RTL1: variants seen among roughly 807,000 people sequenced by gnomAD.
The protein encoded by RTL1 is retrotransposon Gag like 1.
For missense variants in RTL1, 1,681 were observed against 1,767.5 expected (o/e 0.95, Z 0.88); for synonymous variants, 727 against 748.4 (o/e 0.97, Z 0.47).
chr14:100,885,274 C>T (rs2140039059), intron 3 of RTL1, among the ~76,000 whole-genome samples: 1 of 152,340 alleles, frequency 6.6e-6, no homozygotes, highest in East Asian at 1.9e-4. Flanking sequence ...ACCTGAGAAT[C>T]ACAGAGGTCA....
Position 100,881,824 on chromosome 14 carries a change from C to G in RTL1, c.2965G>C (p.Gly989Arg). The G allele has an allele frequency of 6.2e-7, 1 of 1,613,900 alleles. No individual in the cohort carries two copies. ...CTCACAGGTGGCAGAGCTCGGCCGC[C>G]GTCTTGTTCTGGCAGCTCCATGACG... ...FDVMELPEQD[G>R]GRALPPVRNL... The change falls in exon 4 of 4, where the codon GGC (glycine) becomes CGC (arginine). Residue 989 changes from glycine (G) to arginine (R), a missense_variant. Gly to Arg is a moderately radical substitution (Grantham distance 125). Transcript: ENST00000649591. This position sits in a 1 kb window ranked among gnomAD's most constrained non-coding sequence, Gnocchi z 6.6.
chr14:100,885,011 C>A (rs190507383), intron 3 of RTL1, among the ~76,000 whole-genome samples, 137 bp from the exon 4 acceptor site: 3 of 152,218 alleles, frequency 2.0e-5, no homozygotes, highest in Admixed American at 6.5e-5. Context: ...CTTCTTGTAT[C>A]GAGCCAGCCT....
Position 100,880,792 on chromosome 14 carries a change from G to C in RTL1, c.3997C>G (p.Pro1333Ala). The C allele has an allele frequency of 6.4e-7, 1 of 1,550,608 alleles. No homozygotes were observed. Among genetic ancestry groups the C allele is most frequent in the Non-Finnish European group, 8.7e-7 (1 of 1,146,950 alleles). Residue 1333 changes from proline to alanine, a missense_variant, in exon 4 of 4, where the codon CCC (proline) becomes GCC (alanine). Pro to Ala is a conservative substitution (Grantham distance 27, BLOSUM62 -1). Transcript: ENST00000649591. ...TLIYRRALPI[P>A]AWESQPREQA... ...TCCCTGGGCTGGCTCTCCCAGGCGG[G>C]GATGGGCAGGGCCCGCCTGTAGATC...
At chr14:100,892,042 T>C (rs1399548831) in intron 3 of RTL1, among the ~76,000 whole-genome samples, 2 of 152,218 alleles carry the variant, frequency 1.3e-5, no homozygotes, top group Non-Finnish European at 1.5e-5. Context: ...TCGTATTATT[T>C]CATTTAAACA....
At chr14:100,896,070 CAAA>C (rs10638500) in intron 2 of RTL1, among the ~76,000 whole-genome samples, 1 of 120,168 alleles carries the variant, frequency 8.3e-6, no homozygotes. Context: ...GACTCCGTCT[CAAA>C]AAAAAAAAAA....
Position 100,894,396 on chromosome 14 carries a change from T to A in RTL1, c.-148-891A>T, listed in dbSNP as rs562673740. Among the ~76,000 whole-genome samples, 49 of 151,626 alleles carry A rather than the reference T, an allele frequency of 3.2e-4. No homozygotes were observed. In the South Asian group the frequency reaches 9.8e-3, roughly 30 times the overall value. On this transcript the variant is annotated intron_variant, in intron 2 of 3. Coordinates refer to ENST00000649591, the MANE Select transcript of RTL1 (RefSeq NM_001134888.3). ...CGGCCTCTGTTGGACTTTGAGTAAA[T>A]CTTAATTTAGCACCCTGAGCTGCAA...
Position 100,882,519 on chromosome 14 carries a change from C to T in RTL1, c.2270G>A (p.Arg757His), listed in dbSNP as rs867004001. The T allele has an allele frequency of 1.7e-5, 26 of 1,551,648 alleles. No homozygotes were observed. In the African/African-American group the frequency reaches 2.6e-4, roughly 16 times the overall value. ...CAGGGAGCAGTAGACGTTGTGATGG[C>T]GGAAGCGGACCAGGACTTGGCGGAC... ...HHVRQVLVRF[R>H]HHNVYCSLDK... The change falls in exon 4 of 4, where the codon CGC (arginine) becomes CAC (histidine). Residue 757 changes from arginine to histidine, a missense_variant. By Grantham distance (29) the Arg-to-His change is conservative. Coordinates refer to ENST00000649591, the MANE Select transcript of RTL1 (RefSeq NM_001134888.3).
intron 3 of RTL1, among the ~76,000 whole-genome samples, chr14:100,885,987 G>A (rs140363521): frequency 1.5e-3 from 227 of 152,208 alleles, no homozygotes; most frequent in Non-Finnish European, 2.6e-3. Flanking sequence ...GGAATCTGAC[G>A]GTCCCAGAGT....
chr14:100,882,384 G>C lies in RTL1; in HGVS notation c.2405C>G (p.Thr802Ser). The C allele has an allele frequency of 6.4e-7, 1 of 1,551,830 alleles. No homozygotes were observed. Among genetic ancestry groups the C allele is most frequent in the Non-Finnish European group, 8.7e-7 (1 of 1,147,014 alleles). ...NVMTIITGYPTPGSKLSLRNF... is the reference protein window; with the variant it reads ...NVMTIITGYPSPGSKLSLRNF... Reference sequence around the variant, plus strand: ...TCGCAGAGATAGCTTGGAGCCAGGGGTAGGGTACCCTGTTATGATGGTCAT... The same window carrying C: ...TCGCAGAGATAGCTTGGAGCCAGGGCTAGGGTACCCTGTTATGATGGTCAT... Residue 802 changes from threonine to serine, a missense_variant, in exon 4 of 4, where the codon ACC becomes AGC. Coordinates refer to ENST00000649591, the MANE Select transcript of RTL1 (RefSeq NM_001134888.3).
intron 3 of RTL1, among the ~76,000 whole-genome samples, chr14:100,892,778 C>T (rs985553987): frequency 2.0e-5 from 3 of 152,022 alleles, no homozygotes; most frequent in South Asian, 2.1e-4. Context: ...CAGAAAGGGA[C>T]GACTAGAATG....
At chr14:100,897,771 T>TGGG (rs1566760912) in intron 2 of RTL1, 6 of 23,154 alleles carry the variant, frequency 2.6e-4, no homozygotes, top group Non-Finnish European at 3.3e-4. Context: ...GGTGGGGGGG[T>TGGG]GGGGGGCGGG....
At chr14:100,892,397 C>T (rs559134161) in intron 3 of RTL1, among the ~76,000 whole-genome samples, 13 of 152,176 alleles carry the variant, frequency 8.5e-5, no homozygotes, top group Non-Finnish European at 1.3e-4. Flanking sequence ...GGTAGGAGCA[C>T]CTCCTTCCAG....
At position 100,883,343 on chromosome 14, in the gene RTL1, G is replaced by C. The variant is rs371882953; in HGVS notation, c.1446C>G (p.Ile482Met). The change falls in exon 4 of 4, where the codon ATC becomes ATG. Residue 482 changes from isoleucine (I) to methionine (M), a missense_variant. Ile to Met is a conservative substitution (Grantham distance 10, BLOSUM62 1). Coordinates refer to ENST00000649591, the MANE Select transcript of RTL1 (RefSeq NM_001134888.3). The surrounding 1 kb of genome is among the most constrained non-coding windows in gnomAD (Gnocchi z 5.9). ...CGATGGACTCCTGGTGGTTCTGGTG[G>C]ATACACACCAGGGGCTCCGTGTAGA... ...VWLYTEPLVCIHQNHQESIEF... is the reference protein window; with the variant it reads ...VWLYTEPLVCMHQNHQESIEF... The C allele has an allele frequency of 3.2e-6, 5 of 1,551,316 alleles. No individual in the cohort carries two copies. Among genetic ancestry groups the C allele is most frequent in the Non-Finnish European group, 8.7e-7 (1 of 1,146,872 alleles).
chr14:100,880,808 C>T lies in RTL1; in HGVS notation c.3981G>A (p.Arg1327=). 6.4e-7 allele frequency: 1 copy of T among 1,550,654 alleles called. No homozygotes were observed. Among genetic ancestry groups the T allele is most frequent in the Non-Finnish European group, 8.7e-7 (1 of 1,146,952 alleles). Residue 1327 remains arginine, a synonymous_variant, in exon 4 of 4, where the codon AGG becomes AGA. Transcript: ENST00000649591. ...CCCAGGCGGGGATGGGCAGGGCCCGCCTGTAGATCAGGGTCAGGAACTGGC... is the reference window on the plus strand; with the variant it reads ...CCCAGGCGGGGATGGGCAGGGCCCGTCTGTAGATCAGGGTCAGGAACTGGC... The part of the protein sequence containing the change: ...ALSQFLTLIY[R]RALPIPAWES...
rs776782715 is a variant in RTL1, at chr14:100,881,059, G to A, written c.3730C>T (p.Arg1244Cys). The A allele has an allele frequency of 8.1e-6, 13 of 1,603,316 alleles. No individual in the cohort carries two copies. The highest frequency in any genetic ancestry group is 3.4e-5 in the South Asian group (3 of 89,134). The part of the protein sequence containing the change: ...EALQDDLQRY[R>C]QCGLHDGLQD... The stretch of plus-strand genomic sequence containing the variant: ...AGGCCGTCATGCAGGCCACACTGAC[G>A]GTAACGTTGCAGGTCGTCTTGCAGG... The change falls in exon 4 of 4, where the codon CGT becomes TGT. Residue 1244 changes from arginine (R) to cysteine (C), a missense_variant. Coordinates refer to ENST00000649591, the MANE Select transcript of RTL1 (RefSeq NM_001134888.3). The surrounding 1 kb of genome is among the most constrained non-coding windows in gnomAD (Gnocchi z 6.6).
At chr14:100,895,661 T>C (rs1595343405) in intron 2 of RTL1, among the ~76,000 whole-genome samples, 1 of 152,292 alleles carries the variant, frequency 6.6e-6, no homozygotes, top group African/African-American at 2.4e-5. Flanking sequence ...TCATTGGTAC[T>C]GGCTGGGTTT....
Position 100,893,541 on chromosome 14 carries a change from G to A in RTL1, c.-148-36C>T, listed in dbSNP as rs2038810880. On this transcript the variant is annotated intron_variant, in intron 2 of 3. Transcript: ENST00000649591. This position sits in a 1 kb window ranked among gnomAD's most constrained non-coding sequence, Gnocchi z 4.2. ...ATTGAATACATTTGTTTCTTTAATT[G>A]TGAAAGTCCAGTCTTTTTGACATGC... is the stretch of plus-strand genomic sequence containing the variant. Among the ~76,000 whole-genome samples, 1 of 152,158 alleles carries A rather than the reference G, an allele frequency of 6.6e-6. No individual in the cohort carries two copies. Among genetic ancestry groups the A allele is most frequent in the Admixed American group, 6.5e-5 (1 of 15,286 alleles).
Position 100,881,009 on chromosome 14 carries a change from C to A in RTL1, c.3780G>T (p.Gln1260His). ...GTGGGGCCTCCTGCACGTCGTTGTC[C>A]TGCTTGTCCTGCGAGGTGTCTTGCA... ...DGLQDTSQDK[Q>H]DNDVQEAPPS... The change falls in exon 4 of 4, where the codon CAG becomes CAT. Residue 1260 changes from glutamine (Q) to histidine (H), a missense_variant. Physicochemically the swap from Gln to His is conservative, Grantham distance 24 (BLOSUM62 0). Coordinates refer to ENST00000649591, the MANE Select transcript of RTL1 (RefSeq NM_001134888.3). This position sits in a 1 kb window ranked among gnomAD's most constrained non-coding sequence, Gnocchi z 6.6. 1 of 1,581,366 alleles carries A rather than the reference C, an allele frequency of 6.3e-7. No individual in the cohort carries two copies. Among genetic ancestry groups the A allele is most frequent in the South Asian group, 1.2e-5 (1 of 86,410 alleles).
intron 3 of RTL1, among the ~76,000 whole-genome samples, chr14:100,891,531 G>A (rs1297043030): frequency 1.3e-5 from 2 of 152,300 alleles, no homozygotes; most frequent in African/African-American, 4.8e-5. Context: ...GGGAGTGCCT[G>A]GGCCCAGCAG....
Sources: allele counts gnomAD v4.1 joint callset (sites outside exome capture counted in the v4.1 genomes callset), GRCh38; gene constraint gnomAD v4.1.1; non-coding constraint Gnocchi (gnomAD v3.1); transcripts MANE v1.5; gene names NCBI Gene and HGNC (gene_info 2026-07-23, HGNC 2026-07-21).